The following BBS9 variants were observed in gnomAD, a reference collection of about 807,000 sequenced individuals.
BBS9 encodes the protein protein PTHB1.
A neutral mutation model predicts 117.7 loss-of-function variants in BBS9; 89 were observed. That is an observed-to-expected ratio of 0.76 (90% confidence interval 0.64 to 0.90). The LOEUF (loss-of-function observed/expected upper bound fraction) is 0.90, where lower values mean the gene tolerates loss of function less well. Among genes scored for constraint, BBS9 ranks in the 40% least tolerant of loss-of-function variants. The probability of loss-of-function intolerance (pLI) is 0.00; values close to 1 mark genes in which losing one functional copy is unlikely to be tolerated. For missense variants in BBS9, 982 were observed against 1,042.2 expected, an observed-to-expected ratio of 0.94 and a Z score of 0.80; for synonymous variants, 379 against 370.9, an observed-to-expected ratio of 1.02 and a Z score of -0.25.
At chr7:33,554,162 T>C (rs1434924033) in intron 21 of BBS9, among the ~76,000 whole-genome samples, 2 of 152,040 alleles carry the variant, frequency 1.3e-5, no homozygotes, top group African/African-American at 4.8e-5. Context: ...GAGAGTTAGA[T>C]TGTGTAATGT....
chr7:33,586,464 A>C (rs1860909747), intron 21 of BBS9, among the ~76,000 whole-genome samples: 1 of 152,136 alleles, frequency 6.6e-6, no homozygotes, highest in Non-Finnish European at 1.5e-5. Context: ...GAATTAGTTC[A>C]GCCACTATAA....
chr7:33,422,099 A>C (rs1055298641), intron 19 of BBS9, among the ~76,000 whole-genome samples: 1 of 152,186 alleles, frequency 6.6e-6, no homozygotes, highest in African/African-American at 2.4e-5. Flanking sequence ...CATAAGGTAC[A>C]TACTGTTTGG....
At chr7:33,328,716 G>A (rs1401171046) in intron 9 of BBS9, among the ~76,000 whole-genome samples, 1 of 152,124 alleles carries the variant, frequency 6.6e-6, no homozygotes, top group Non-Finnish European at 1.5e-5. Context: ...AGAACATTAG[G>A]TCCAATGCAT....
chr7:33,613,795 C>A (rs1864996589), intron 21 of BBS9, among the ~76,000 whole-genome samples: 1 of 152,016 alleles, frequency 6.6e-6, no homozygotes, highest in Non-Finnish European at 1.5e-5. Context: ...GAAGCCAAGG[C>A]TTCTTGTCCC....
At chr7:33,596,257 AACACACACACACACAC>A (rs777940429) in intron 21 of BBS9, among the ~76,000 whole-genome samples, 3 of 118,854 alleles carry the variant, frequency 2.5e-5, no homozygotes, top group South Asian at 2.6e-4. Flanking sequence ...ACAGAACAGA[AACACACACACACACAC>A]ACACACACAC....
chr7:33,467,204 A>T (rs776784986), intron 19 of BBS9, among the ~76,000 whole-genome samples: 2 of 152,076 alleles, frequency 1.3e-5, no homozygotes, highest in Non-Finnish European at 2.9e-5. Flanking sequence ...TTCTGGGGGG[A>T]AACATTGCAT....
At chr7:33,426,371 A>G (rs1265323715) in intron 19 of BBS9, among the ~76,000 whole-genome samples, 1 of 152,200 alleles carries the variant, frequency 6.6e-6, no homozygotes, top group Non-Finnish European at 1.5e-5. Context: ...TTTGCCTTCA[A>G]TAACTTAATG....
intron 12 of BBS9, 90 bp from the exon 13 acceptor site, chr7:33,348,978 T>G: frequency 1.1e-6 from 1 of 896,856 alleles, no homozygotes. Context: ...TATTTTCTAA[T>G]TATTTGCTAG....
At chr7:33,612,925 A>T (rs1382839410) in intron 21 of BBS9, among the ~76,000 whole-genome samples, 1 of 152,050 alleles carries the variant, frequency 6.6e-6, no homozygotes, top group Non-Finnish European at 1.5e-5. Context: ...TCAGTCACTT[A>T]GCCTCTCTTC....
chr7:33,179,368 G>A (rs953642845), intron 5 of BBS9, among the ~76,000 whole-genome samples: 1 of 152,166 alleles, frequency 6.6e-6, no homozygotes, highest in Non-Finnish European at 1.5e-5. Context: ...CAGGAGGTGA[G>A]CGGCAGGTGA....
chr7:33,152,354 G>A (rs913327139), intron 2 of BBS9, among the ~76,000 whole-genome samples: 4 of 152,226 alleles, frequency 2.6e-5, no homozygotes, highest in African/African-American at 9.6e-5. Flanking sequence ...TATAGAGTTG[G>A]CCTCTATGAT....
At chr7:33,339,430 G>C (rs963437985) in intron 10 of BBS9, among the ~76,000 whole-genome samples, 17 of 152,180 alleles carry the variant, frequency 1.1e-4, no homozygotes, top group Non-Finnish European at 1.8e-4. Flanking sequence ...TGGTTATTGG[G>C]ATGGGCAATG....
At chr7:33,245,785 A>G (rs1795243870) in intron 5 of BBS9, among the ~76,000 whole-genome samples, 1 of 152,190 alleles carries the variant, frequency 6.6e-6, no homozygotes, top group African/African-American at 2.4e-5. Context: ...GACTGTGCTC[A>G]ATGCTATGAG....
intron 5 of BBS9, among the ~76,000 whole-genome samples, chr7:33,230,551 T>C (rs1195472677): frequency 6.6e-6 from 1 of 152,158 alleles, no homozygotes; most frequent in African/African-American, 2.4e-5. Context: ...CAACAGGTAG[T>C]TTTTCATCCT....
At chr7:33,278,384 A>G (rs1801183593) in intron 9 of BBS9, among the ~76,000 whole-genome samples, 1 of 152,220 alleles carries the variant, frequency 6.6e-6, no homozygotes, top group South Asian at 2.1e-4. Flanking sequence ...AAAGACGTTA[A>G]TATTCTCACC....
chr7:33,416,845 A>C (rs562568493), intron 19 of BBS9, among the ~76,000 whole-genome samples: 2 of 152,282 alleles, frequency 1.3e-5, no homozygotes, highest in Non-Finnish European at 2.9e-5. Context: ...AATGACTCTG[A>C]AGCTCCATTG....
intron 9 of BBS9, among the ~76,000 whole-genome samples, chr7:33,326,346 A>G (rs565348368): frequency 6.6e-6 from 1 of 150,672 alleles, no homozygotes; most frequent in South Asian, 2.1e-4. Context: ...CAGGCTCTTC[A>G]GTCAGCTTGT....
intron 19 of BBS9, among the ~76,000 whole-genome samples, chr7:33,419,137 G>A (rs952393276): frequency 2.0e-4 from 31 of 151,742 alleles, no homozygotes; most frequent in Admixed American, 5.9e-4. Context: ...AGCTCAAACT[G>A]TAGTAAGGTC....
At chr7:33,588,848 G>A (rs551062361) in intron 21 of BBS9, among the ~76,000 whole-genome samples, 1 of 152,226 alleles carries the variant, frequency 6.6e-6, no homozygotes, top group East Asian at 1.9e-4. Flanking sequence ...AGTGGGAATG[G>A]GCCTGGTGTG....
Sources: gnomAD v4.1 joint callset for allele counts (sites outside exome capture counted in the v4.1 genomes callset) on GRCh38, gnomAD v4.1.1 for gene constraint, MANE v1.5 for transcripts, NCBI Gene and HGNC (gene_info 2026-07-23, HGNC 2026-07-21) for gene names.